Variants in MAD1L1 observed in about 807,000 individuals in gnomAD.
The protein encoded by MAD1L1 is mitotic spindle assembly checkpoint protein MAD1.
A neutral mutation model predicts 96.9 loss-of-function variants in MAD1L1; 95 were observed. The ratio of observed to expected loss-of-function variants is 0.98; its 90% confidence interval spans 0.83 to 1.16. MAD1L1 has a LOEUF of 1.16. MAD1L1 is among the 50% of genes most tolerant of loss of function. The pLI is 0.00. For synonymous variants in MAD1L1, 473 were observed against 396.6 expected, an observed-to-expected ratio of 1.19 and a Z score of -2.29; for missense variants, 1,007 against 954.4, an observed-to-expected ratio of 1.06 and a Z score of -0.73.
rs533125036 is a variant in MAD1L1, at chr7:1,857,461, T to C, written c.1998+40739A>G. Among the ~76,000 whole-genome samples, 43 of 152,200 alleles carry C rather than the reference T, an allele frequency of 2.8e-4. No homozygotes were observed. The Middle Eastern group carries it at 0.01, about 36-fold the overall frequency. On this transcript the variant is annotated intron_variant, in intron 18 of 18. Coordinates refer to ENST00000265854, the MANE Select transcript of MAD1L1 (RefSeq NM_001013836.2). ...CAGGCCTCTGCTGTCACATAGGCAC[T>C]CCTCACAGTCCCCCACCCCGCGTGT...
intron 10 of MAD1L1, among the ~76,000 whole-genome samples, chr7:2,159,363 G>A (rs923080037): frequency 2.0e-5 from 3 of 152,074 alleles, no homozygotes; most frequent in Non-Finnish European, 2.9e-5. Context: ...CCACAACACC[G>A]CACCCCTAGA....
At chr7:2,095,106 C>T (rs1584306788) in intron 11 of MAD1L1, among the ~76,000 whole-genome samples, 1 of 152,062 alleles carries the variant, frequency 6.6e-6, no homozygotes, top group African/African-American at 2.4e-5. Flanking sequence ...GCAGTGGCTC[C>T]ATCTCAGCTC....
At chr7:2,211,487 A>C (rs1015621694) in intron 10 of MAD1L1, among the ~76,000 whole-genome samples, 1 of 152,224 alleles carries the variant, frequency 6.6e-6, no homozygotes, top group African/African-American at 2.4e-5. Context: ...ACCCTCCAGC[A>C]GGGCCGGGCC....
At chr7:2,020,256 G>GT (rs1299390954) in intron 12 of MAD1L1, among the ~76,000 whole-genome samples, 2 of 152,180 alleles carry the variant, frequency 1.3e-5, no homozygotes, top group East Asian at 3.9e-4. Context: ...TCCATGATCG[G>GT]GGGGGGCACT....
At chr7:2,031,282 G>C (rs1319125467) in intron 12 of MAD1L1, among the ~76,000 whole-genome samples, 2 of 152,186 alleles carry the variant, frequency 1.3e-5, no homozygotes, top group African/African-American at 4.8e-5. Context: ...CCCTCAGCCA[G>C]CTCCTCCTCT....
chr7:1,937,167 G>T (rs1020638301), intron 16 of MAD1L1, among the ~76,000 whole-genome samples: 2 of 152,216 alleles, frequency 1.3e-5, no homozygotes, highest in African/African-American at 2.4e-5. Flanking sequence ...GGGTGAGAGG[G>T]GACATGCGGC....
intron 18 of MAD1L1, 45 bp downstream of exon 18, chr7:1,898,155 G>C: frequency 6.5e-7 from 1 of 1,549,382 alleles, no homozygotes; most frequent in South Asian, 1.2e-5. Context: ...CACAGGAGGA[G>C]ACAGAGAGCG....
At chr7:1,826,410 C>G (rs369023936) in intron 18 of MAD1L1, among the ~76,000 whole-genome samples, 5 of 152,214 alleles carry the variant, frequency 3.3e-5, no homozygotes, top group African/African-American at 9.6e-5. Flanking sequence ...CTCATGGCCT[C>G]ACTCCCTCAT....
At chr7:2,034,464 T>C (rs1783375503) in intron 12 of MAD1L1, among the ~76,000 whole-genome samples, 2 of 152,140 alleles carry the variant, frequency 1.3e-5, no homozygotes, top group African/African-American at 4.8e-5. Context: ...AATCCACCCG[T>C]CTCAGCCTCC....
rs9986909 is a variant in MAD1L1, at chr7:1,819,915, G to C, written c.1999-3687C>G. On this transcript the variant is annotated intron_variant, in intron 18 of 18. Transcript: ENST00000265854. ...AAACTCCATGAACTGGGAAACTCGA[G>C]GGGAGGAAGCTAGAGATGGAATGAA... 2.9e-3 allele frequency among the ~76,000 whole-genome samples: 445 copies of C among 152,226 alleles called. 4 individuals carry two copies. Among genetic ancestry groups the C allele is most frequent in the African/African-American group, 0.01 (419 of 41,552 alleles).
At chr7:2,179,902 C>T (rs1164302726) in intron 10 of MAD1L1, among the ~76,000 whole-genome samples, 1 of 150,304 alleles carries the variant, frequency 6.7e-6, no homozygotes, top group Non-Finnish European at 1.5e-5. Flanking sequence ...ACCTGGGAGG[C>T]GGAGGTCACA....
chr7:2,214,139 G>C (rs987677100), intron 9 of MAD1L1, among the ~76,000 whole-genome samples: 1 of 152,232 alleles, frequency 6.6e-6, no homozygotes, highest in African/African-American at 2.4e-5. Context: ...GTCCTGACAA[G>C]GCAGCCAGCA....
intron 11 of MAD1L1, among the ~76,000 whole-genome samples, chr7:2,141,383 G>C (rs982571743): frequency 1.3e-5 from 2 of 152,208 alleles, no homozygotes; most frequent in South Asian, 2.1e-4. Flanking sequence ...GATGGGGCTC[G>C]ATCTCAGGCC....
chr7:2,225,876 T>A (rs1793868146), intron 3 of MAD1L1, among the ~76,000 whole-genome samples: 1 of 152,250 alleles, frequency 6.6e-6, no homozygotes, highest in Non-Finnish European at 1.5e-5. Flanking sequence ...CTGCATTCTC[T>A]GACCAGGGTC....
intron 16 of MAD1L1, among the ~76,000 whole-genome samples, chr7:1,948,960 A>G (rs947373891): frequency 6.6e-6 from 1 of 152,194 alleles, no homozygotes; most frequent in Non-Finnish European, 1.5e-5. Context: ...CACTCGTACA[A>G]CACAGGAGGG....
In MAD1L1 at chr7:1,900,076, C is replaced by T. The variant is rs549256852; in HGVS notation, c.1808-1686G>A. 2.0e-5 allele frequency among the ~76,000 whole-genome samples: 3 copies of T among 152,336 alleles called. 1 individual carries two copies. The highest frequency in any genetic ancestry group is 4.1e-4 in the South Asian group (2 of 4,824). The stretch of plus-strand genomic sequence containing the variant: ...ACGTGCCGGAGGCCACCGCCGAGAG[C>T]GCAGGGCCGCTGGGCACCCCCGATG... On this transcript the variant is annotated intron_variant, in intron 17 of 18. Coordinates refer to ENST00000265854, the MANE Select transcript of MAD1L1 (RefSeq NM_001013836.2).
At chr7:2,042,114 C>A (rs1783705237) in intron 12 of MAD1L1, among the ~76,000 whole-genome samples, 1 of 151,924 alleles carries the variant, frequency 6.6e-6, no homozygotes, top group Non-Finnish European at 1.5e-5. Context: ...TGTGCACACA[C>A]ACACGCAGAC....
chr7:2,143,944 T>A (rs894152296), intron 11 of MAD1L1, among the ~76,000 whole-genome samples: 1 of 152,134 alleles, frequency 6.6e-6, no homozygotes, highest in Non-Finnish European at 1.5e-5. Context: ...TAAGTCAGCA[T>A]CGAGGAGGAT....
In MAD1L1 at chr7:1,815,886, C is replaced by T. The variant is rs1238792176; in HGVS notation, c.*184G>A. 54 of 655,518 alleles carry T rather than the reference C, an allele frequency of 8.2e-5. No individual in the cohort carries two copies. The highest frequency in any genetic ancestry group is 1.1e-4 in the Non-Finnish European group (43 of 392,144). The allele number at this position is 655,518 out of a possible 1,614,324, so 40.6% of individuals were successfully genotyped here. ...GGCTCCGGGACGCATGGGGTCTGCA[C>T]GTGGAGAGGGTGCTGGCCGCCCCAG... On this transcript the variant is annotated 3_prime_UTR_variant, in exon 19 of 19. Transcript: ENST00000265854.
Sources: allele counts gnomAD v4.1 joint callset (sites outside exome capture counted in the v4.1 genomes callset), GRCh38; gene constraint gnomAD v4.1.1; transcripts MANE v1.5; gene names NCBI Gene and HGNC (gene_info 2026-07-23, HGNC 2026-07-21).